The following SAFB variants were observed in gnomAD, a reference collection of about 807,000 sequenced individuals.
SAFB encodes scaffold attachment factor B1.
In SAFB, 15 loss-of-function variants were observed where a neutral mutation model predicts 101.6. The ratio of observed to expected loss-of-function variants is 0.15; its 90% CI spans 0.10 to 0.23. The LOEUF is 0.23. SAFB is among the 10% of genes least tolerant of loss of function. The pLI is 1.00. For missense variants in SAFB, 930 were observed against 1,104.1 expected (o/e 0.84, Z 2.23); for synonymous variants, 449 against 407.5 (o/e 1.10, Z -1.23).
At chr19:5,661,314 C>T (rs892589228) in intron 14 of SAFB, among the ~76,000 whole-genome samples, 1 of 151,488 alleles carries the variant, frequency 6.6e-6, no homozygotes, top group African/African-American at 2.5e-5. Flanking sequence ...CACACACACA[C>T]AGCCTGGGCC....
intron 15 of SAFB, among the ~76,000 whole-genome samples, chr19:5,662,488 G>A (rs1205973444): frequency 2.7e-5 from 4 of 150,658 alleles, no homozygotes; most frequent in East Asian, 2.0e-4. Context: ...AGTGAGACTC[G>A]GTCTCAAAAA....
At chr19:5,650,748 C>T (rs1330661743) in intron 8 of SAFB, among the ~76,000 whole-genome samples, 1 of 152,150 alleles carries the variant, frequency 6.6e-6, no homozygotes, top group African/African-American at 2.4e-5. Flanking sequence ...TCACATTGTC[C>T]CAATAGCCCC....
chr19:5,650,348 T>G (rs148615869), intron 8 of SAFB, among the ~76,000 whole-genome samples: 1 of 152,342 alleles, frequency 6.6e-6, no homozygotes, highest in Non-Finnish European at 1.5e-5. Context: ...AGTGCATTGT[T>G]GACACCAAGG....
At chr19:5,645,457 A>C in intron 5 of SAFB, 58 bp downstream of exon 5, 1 of 827,500 alleles carries the variant, frequency 1.2e-6, no homozygotes. Context: ...CAATTTCTGG[A>C]ATCCATTTCA....
chr19:5,636,658 G>A (rs952767754), intron 2 of SAFB, among the ~76,000 whole-genome samples: 4 of 152,038 alleles, frequency 2.6e-5, no homozygotes, highest in Non-Finnish European at 1.5e-5. Context: ...CCCCCAGGAT[G>A]TTACATATTT....
At chr19:5,637,258 G>T (rs1212793709) in intron 2 of SAFB, among the ~76,000 whole-genome samples, 13 of 148,944 alleles carry the variant, frequency 8.7e-5, no homozygotes, top group Non-Finnish European at 1.5e-5. Flanking sequence ...GCAGGAGAAT[G>T]GCGTGAACCC....
At position 5,663,113 on chromosome 19, in the gene SAFB, C is replaced by T. The variant is rs551802934; in HGVS notation, c.2154-909C>T. 3.3e-5 allele frequency among the ~76,000 whole-genome samples: 5 copies of T among 152,256 alleles called. No homozygotes were observed. The South Asian group carries it at 1.0e-3, about 32-fold the overall frequency. Reference sequence around the variant, plus strand: ...CGCCTCCTGGGTTCAAGCAATTCTCCTGCTTCACTCTCCCAAGTAGCTAGG... The same window carrying T: ...CGCCTCCTGGGTTCAAGCAATTCTCTTGCTTCACTCTCCCAAGTAGCTAGG... On this transcript the variant is annotated intron_variant, in intron 15 of 20. Transcript: ENST00000588852.
At chr19:5,659,483 A>G (rs1278208336) in intron 14 of SAFB, among the ~76,000 whole-genome samples, 1 of 150,936 alleles carries the variant, frequency 6.6e-6, no homozygotes, top group Non-Finnish European at 1.5e-5. Flanking sequence ...CTGGGTTCAC[A>G]CCATTCTCCT....
At chr19:5,656,861 C>T (rs4807807) in intron 13 of SAFB, among the ~76,000 whole-genome samples, 8,499 of 152,050 alleles carry the variant, frequency 0.056, 486 homozygotes, top group African/African-American at 0.14. Context: ...AGCTCTGCCT[C>T]CCGGGTTCAC....
chr19:5,657,758 C>A (rs1057412551), intron 14 of SAFB, among the ~76,000 whole-genome samples: 1 of 152,016 alleles, frequency 6.6e-6, no homozygotes, highest in African/African-American at 2.4e-5. Flanking sequence ...CTCCTGACCT[C>A]AGGTGATCCA....
intron 2 of SAFB, among the ~76,000 whole-genome samples, chr19:5,627,371 G>A (rs2053389641): frequency 6.6e-6 from 1 of 152,092 alleles, no homozygotes; most frequent in Admixed American, 6.6e-5. Context: ...GGGAGGCTAA[G>A]GCGGGAGGAT....
rs373109934 is a variant in SAFB, at chr19:5,631,784, G to A, written c.274+5295G>A. Among the ~76,000 whole-genome samples the A allele has an allele frequency of 8.0e-4, 122 of 152,252 alleles. 1 individual carries two copies. The highest frequency in any genetic ancestry group is 2.9e-3 in the African/African-American group (120 of 41,538). Reference sequence around the variant, plus strand: ...TCAGGGGCTGTGCGAGATGGCTCTCGTCTGTAAGCCCAACAGTTTGGGACA... The same window carrying A: ...TCAGGGGCTGTGCGAGATGGCTCTCATCTGTAAGCCCAACAGTTTGGGACA... On this transcript the variant is annotated intron_variant, in intron 2 of 20. Coordinates refer to ENST00000588852, the MANE Select transcript of SAFB (RefSeq NM_001201338.2).
chr19:5,665,618 A>C (rs986129810), intron 17 of SAFB: 1 of 152,022 alleles, frequency 6.6e-6, no homozygotes, highest in Non-Finnish European at 1.5e-5. Context: ...TACAGATGTG[A>C]GCCAGCACAC....
chr19:5,627,759 G>C (rs980915330), intron 2 of SAFB, among the ~76,000 whole-genome samples: 4 of 152,068 alleles, frequency 2.6e-5, no homozygotes, highest in African/African-American at 9.7e-5. Flanking sequence ...AAAGACAACT[G>C]ATCCATCCCA....
In SAFB at chr19:5,651,046, A is replaced by C; in HGVS notation, c.1267A>C (p.Lys423Gln). ...TTCTACAACCAGAGCTACAGATTTG[A>C]AGAATCTTTTCAGCAAATATGGGAA... ...LSSTTRATDLKNLFSKYGKVV... is the reference protein window; with the variant it reads ...LSSTTRATDLQNLFSKYGKVV... Residue 423 changes from lysine (K) to glutamine (Q), a missense_variant, in exon 9 of 21, where the codon AAG becomes CAG. Coordinates refer to ENST00000588852, the MANE Select transcript of SAFB (RefSeq NM_001201338.2). The C allele has an allele frequency of 6.2e-7, 1 of 1,608,700 alleles. No homozygotes were observed. Among genetic ancestry groups the C allele is most frequent in the Non-Finnish European group, 8.5e-7 (1 of 1,176,712 alleles).
At chr19:5,658,593 A>G (rs911737900) in intron 14 of SAFB, among the ~76,000 whole-genome samples, 1 of 152,018 alleles carries the variant, frequency 6.6e-6, no homozygotes, top group African/African-American at 2.4e-5. Context: ...TAATCCCAGC[A>G]CTGTGGGAGG....
At chr19:5,659,827 A>T (rs1021634655) in intron 14 of SAFB, among the ~76,000 whole-genome samples, 1 of 152,104 alleles carries the variant, frequency 6.6e-6, no homozygotes, top group African/African-American at 2.4e-5. Context: ...TAAACACTAG[A>T]GTGTTCCAGA....
At chr19:5,635,425 C>G (rs764383502) in intron 2 of SAFB, among the ~76,000 whole-genome samples, 1 of 152,144 alleles carries the variant, frequency 6.6e-6, no homozygotes, top group South Asian at 2.1e-4. Context: ...TATGTAGATG[C>G]AAGATGATGT....
intron 14 of SAFB, among the ~76,000 whole-genome samples, chr19:5,660,342 C>CTTTTTTTTTTTTTT (rs11360129): frequency 3.9e-5 from 2 of 50,936 alleles, no homozygotes; most frequent in African/African-American, 1.5e-4. Flanking sequence ...CTGCACACAC[C>CTTTTTTTTTTTTTT]TTTTTTTTTT....
Sources: gnomAD v4.1 joint callset for allele counts (sites outside exome capture counted in the v4.1 genomes callset) on GRCh38, gnomAD v4.1.1 for gene constraint, MANE v1.5 for transcripts, NCBI Gene and HGNC (gene_info 2026-07-23, HGNC 2026-07-21) for gene names.